Variants in LHPP observed in about 807,000 individuals in gnomAD.
LHPP encodes phospholysine phosphohistidine inorganic pyrophosphate phosphatase.
In LHPP, 24 loss-of-function variants were observed where a neutral mutation model predicts 30.3. The observed-to-expected ratio is 0.79, with a 90% CI of 0.57 to 1.11. LHPP has a LOEUF of 1.11. Ranked by LOEUF, LHPP falls within the 50% of genes most tolerant of loss-of-function variation. LHPP has a pLI of 0.00. For missense variants in LHPP, 356 were observed against 367.2 expected (o/e 0.97, Z 0.25); for synonymous variants, 150 against 157.1 (o/e 0.95, Z 0.34).
intron 6 of LHPP, among the ~76,000 whole-genome samples, chr10:124,569,623 C>T (rs1327176396): frequency 6.6e-6 from 1 of 152,194 alleles, no homozygotes; most frequent in African/African-American, 2.4e-5. Flanking sequence ...GCTTACTGCA[C>T]TCTGTGGCCC....
rs747954796 is a variant in LHPP at position 124,587,738 on chromosome 10, T to TAAA, written c.717-25501_717-25499dup. On this transcript the variant is annotated intron_variant, in intron 6 of 6. Coordinates refer to ENST00000368842, the MANE Select transcript of LHPP (RefSeq NM_022126.4). ...CTGGGAGACACAGCCAGACTCCATC[T>TAAA]AAAAAAAAAAAAAAAAAAAAAAAAA... Among the ~76,000 whole-genome samples, 283 of 52,986 alleles carry TAAA rather than the reference T, an allele frequency of 5.3e-3. 13 individuals carry two copies. Among genetic ancestry groups the TAAA allele is most frequent in the African/African-American group, 0.017 (256 of 14,920 alleles). The allele number at this position is 52,986 out of a possible 152,430, so 34.8% of individuals were successfully genotyped here. A position where few individuals can be genotyped will look rare whatever the true frequency, so the allele number is the denominator to read the frequency against.
chr10:124,543,534 C>G (rs368962475), intron 6 of LHPP, among the ~76,000 whole-genome samples: 3 of 152,156 alleles, frequency 2.0e-5, no homozygotes, highest in Non-Finnish European at 4.4e-5. Context: ...GGGCTCAGGG[C>G]CTTTCTGGAG....
At chr10:124,536,464 T>A (rs1033284777) in intron 6 of LHPP, among the ~76,000 whole-genome samples, 1 of 152,108 alleles carries the variant, frequency 6.6e-6, no homozygotes, top group Admixed American at 6.5e-5. Context: ...CCCCTCTCCC[T>A]CCACCCTGAG....
chr10:124,528,366 T>C (rs1050249049), intron 6 of LHPP, among the ~76,000 whole-genome samples: 3 of 151,900 alleles, frequency 2.0e-5, no homozygotes, highest in African/African-American at 4.8e-5. Context: ...TTTATTATTT[T>C]ATTTTTTTTT....
chr10:124,567,207 C>T (rs1052476220), intron 6 of LHPP, among the ~76,000 whole-genome samples: 3 of 152,248 alleles, frequency 2.0e-5, no homozygotes, highest in African/African-American at 7.2e-5. Flanking sequence ...AGGACCTGTC[C>T]CTGCAGTGGA....
chr10:124,506,490 G>A (rs576633270), intron 5 of LHPP, among the ~76,000 whole-genome samples: 19 of 151,564 alleles, frequency 1.3e-4, no homozygotes, highest in African/African-American at 4.6e-4. Context: ...TTAAGAGAAC[G>A]GTTACGGAGA....
At chr10:124,599,797 G>A (rs929701149) in intron 6 of LHPP, among the ~76,000 whole-genome samples, 1 of 152,170 alleles carries the variant, frequency 6.6e-6, no homozygotes, top group African/African-American at 2.4e-5. Flanking sequence ...ACCGAGTGTC[G>A]TGCTCTGTGG....
At chr10:124,466,615 C>T (rs1212502701) in intron 1 of LHPP, among the ~76,000 whole-genome samples, 1 of 151,992 alleles carries the variant, frequency 6.6e-6, no homozygotes, top group Non-Finnish European at 1.5e-5. Flanking sequence ...TGCCACCATG[C>T]CTGGCTAATT....
intron 6 of LHPP, among the ~76,000 whole-genome samples, chr10:124,529,026 CTTT>C (rs4022274): frequency 0.075 from 5,896 of 78,334 alleles, 211 homozygotes; most frequent in South Asian, 0.13. Flanking sequence ...TTGGGGGATT[CTTT>C]TTTTTTTTTT....
chr10:124,493,696 C>G (rs1953606223), intron 3 of LHPP: 1 of 152,162 alleles, frequency 6.6e-6, no homozygotes, highest in Non-Finnish European at 1.5e-5. Context: ...ACTCCTCCTC[C>G]CGGGCTTCCC....
chr10:124,554,981 C>T (rs1236613750), intron 6 of LHPP, among the ~76,000 whole-genome samples: 1 of 152,244 alleles, frequency 6.6e-6, no homozygotes, highest in African/African-American at 2.4e-5. Context: ...TGATTGCCAA[C>T]AGCAGCTTTA....
chr10:124,482,948 C>T (rs557382170), intron 1 of LHPP, among the ~76,000 whole-genome samples: 45 of 152,362 alleles, frequency 3.0e-4, no homozygotes, highest in African/African-American at 1.1e-3. Context: ...CTTTTCCATG[C>T]TCACGACTAC....
intron 3 of LHPP, among the ~76,000 whole-genome samples, chr10:124,491,735 G>A (rs1953537517): frequency 6.6e-6 from 1 of 152,152 alleles, no homozygotes; most frequent in Admixed American, 6.5e-5. Context: ...GACCAGGCTG[G>A]CCAACATGGT....
intron 3 of LHPP, 145 bp downstream of exon 3, chr10:124,488,720 T>G: frequency 1.5e-6 from 1 of 673,720 alleles, no homozygotes. Flanking sequence ...TTTTTCATGC[T>G]TTCTCTCTTC....
At chr10:124,520,705 G>C (rs1025059148) in intron 6 of LHPP, among the ~76,000 whole-genome samples, 7 of 152,226 alleles carry the variant, frequency 4.6e-5, no homozygotes, top group African/African-American at 1.7e-4. Flanking sequence ...GGCTCTGCGT[G>C]TGTAGGTGTG....
chr10:124,473,288 G>C (rs1246202442), intron 1 of LHPP, among the ~76,000 whole-genome samples: 2 of 152,162 alleles, frequency 1.3e-5, no homozygotes, highest in African/African-American at 2.4e-5. Flanking sequence ...TGGTGTGCAG[G>C]GTGATTTCCC....
At chr10:124,482,247 C>T (rs1589771740) in intron 1 of LHPP, among the ~76,000 whole-genome samples, 1 of 152,222 alleles carries the variant, frequency 6.6e-6, no homozygotes, top group Non-Finnish European at 1.5e-5. Flanking sequence ...CATGCCTCCT[C>T]TCTATGTGTG....
In LHPP at chr10:124,462,911, A is replaced by G. The variant is rs1454829285; in HGVS notation, c.125+924A>G. Among the ~76,000 whole-genome samples, 12 of 152,332 alleles carry G rather than the reference A, an allele frequency of 7.9e-5. No homozygotes were observed. The East Asian group carries it at 2.3e-3, about 29-fold the overall frequency. On this transcript the variant is annotated intron_variant, in intron 1 of 6. Coordinates refer to ENST00000368842, the MANE Select transcript of LHPP (RefSeq NM_022126.4). ...AGACGGAGTTTTGCTCTTGTTGCCC[A>G]GGCTGGAATGCAGTGGTGCAATCTC...
At chr10:124,526,713 G>C (rs1954748310) in intron 6 of LHPP, among the ~76,000 whole-genome samples, 1 of 152,222 alleles carries the variant, frequency 6.6e-6, no homozygotes, top group Admixed American at 6.5e-5. Context: ...CCTGAAGTTG[G>C]TCATTAGACC....
Sources: allele counts gnomAD v4.1 joint callset (sites outside exome capture counted in the v4.1 genomes callset), GRCh38; gene constraint gnomAD v4.1.1; transcripts MANE v1.5; gene names NCBI Gene and HGNC (gene_info 2026-07-23, HGNC 2026-07-21).